SLC30A5: variants seen among roughly 807,000 people sequenced by gnomAD.
SLC30A5 encodes the protein solute carrier family 30 member 5, also known as proton-coupled zinc antiporter SLC30A5.
Under a neutral mutation model 79.6 loss-of-function variants are expected in SLC30A5, and 33 were observed. The ratio of observed to expected loss-of-function variants is 0.41; its 90% CI spans 0.31 to 0.55. SLC30A5 has a LOEUF of 0.55. Ranked by LOEUF, SLC30A5 falls within the 20% of genes least tolerant of loss-of-function variation. The probability of loss-of-function intolerance (pLI) is 0.20; values close to 1 mark genes in which losing one functional copy is unlikely to be tolerated. For missense variants in SLC30A5, 788 were observed against 928.1 expected, an observed-to-expected ratio of 0.85 and a Z score of 1.96; for synonymous variants, 299 against 319.7, an observed-to-expected ratio of 0.94 and a Z score of 0.69.
intron 12 of SLC30A5, among the ~76,000 whole-genome samples, chr5:69,118,948 G>A (rs1723650689): frequency 6.6e-6 from 1 of 151,646 alleles, no homozygotes; most frequent in Non-Finnish European, 1.5e-5. Flanking sequence ...TTACAGGCAT[G>A]TGCCACCACC....
chr5:69,106,985 C>T, intron 4 of SLC30A5, among the ~76,000 whole-genome samples: 1 of 151,980 alleles, frequency 6.6e-6, no homozygotes, highest in Non-Finnish European at 1.5e-5. Flanking sequence ...CCACCTCAGC[C>T]TCACCAGTAG....
chr5:69,095,346 A>G (rs887026650), intron 1 of SLC30A5, among the ~76,000 whole-genome samples: 2 of 151,782 alleles, frequency 1.3e-5, no homozygotes, highest in African/African-American at 4.8e-5. Context: ...GATTATAGAC[A>G]TACTCCACCA....
At chr5:69,121,549 G>T in intron 12 of SLC30A5, 145 bp from the exon 13 acceptor site, 8 of 539,772 alleles carry the variant, frequency 1.5e-5, no homozygotes, top group South Asian at 6.8e-5. Context: ...TTAAAATTTT[G>T]GACTTACTGA....
At chr5:69,104,316 T>C (rs1262708418) in intron 3 of SLC30A5, 3 of 517,968 alleles carry the variant, frequency 5.8e-6, no homozygotes, top group Non-Finnish European at 8.7e-6. Context: ...TTTTGTATTT[T>C]TAGTAGAGAC....
At chr5:69,117,534 G>T in intron 11 of SLC30A5, 138 bp downstream of exon 11, 1 of 742,844 alleles carries the variant, frequency 1.3e-6, no homozygotes, top group Non-Finnish European at 2.1e-6. Context: ...TAAATAAGGG[G>T]ATGTGAATCG....
In SLC30A5 at chr5:69,129,699, A is replaced by G. The variant is rs1452238962; in HGVS notation, c.*82A>G. 7.7e-7 allele frequency: 1 copy of G among 1,291,206 alleles called. No individual in the cohort carries two copies. The highest frequency in any genetic ancestry group is 2.4e-5 in the East Asian group (1 of 42,128). The allele number at this position is 1,291,206 out of a possible 1,614,324, so 80.0% of individuals were successfully genotyped here. The stretch of plus-strand genomic sequence containing the variant: ...TTGTAATATTGCCAGAAGGATAAAA[A>G]TTACACATTAACTGTACAGAAACAG... On this transcript the variant is annotated 3_prime_UTR_variant, in exon 16 of 16. Coordinates refer to ENST00000396591, the MANE Select transcript of SLC30A5 (RefSeq NM_022902.5).
chr5:69,114,302 T>C, intron 6 of SLC30A5, 118 bp from the exon 7 acceptor site: 1 of 520,082 alleles, frequency 1.9e-6, no homozygotes, highest in Non-Finnish European at 3.5e-6. Flanking sequence ...TAATTAAGTT[T>C]GAGGCCTCCA....
In SLC30A5 at chr5:69,130,947, A is replaced by G. The variant is rs756424938; in HGVS notation, c.*1330A>G. 3.3e-5 allele frequency: 5 copies of G among 152,176 alleles called. No homozygotes were observed. The highest frequency in any genetic ancestry group is 5.9e-5 in the Non-Finnish European group (4 of 68,018). The allele number at this position is 152,176 out of a possible 1,614,324, so 9.4% of individuals were successfully genotyped here. On this transcript the variant is annotated 3_prime_UTR_variant, in exon 16 of 16. Coordinates refer to ENST00000396591, the MANE Select transcript of SLC30A5 (RefSeq NM_022902.5). ...GTATTATAAATCATATTTTTGTCTT[A>G]CCAATTTTAATATATGAGGGGTTTT...
At chr5:69,122,896 G>A (rs1448695298) in intron 13 of SLC30A5, among the ~76,000 whole-genome samples, 2 of 152,084 alleles carry the variant, frequency 1.3e-5, no homozygotes, top group African/African-American at 4.8e-5. Context: ...TATTCTGATT[G>A]CTTAATATAA....
intron 1 of SLC30A5, among the ~76,000 whole-genome samples, chr5:69,096,997 C>T (rs1745753450): frequency 6.6e-6 from 1 of 151,142 alleles, no homozygotes; most frequent in Non-Finnish European, 1.5e-5. Flanking sequence ...AAAAAACCCC[C>T]ACAAAAAACC....
rs1177223875 is a variant in SLC30A5, at chr5:69,116,886, A to C, written c.1281+284A>C. 2.0e-5 allele frequency among the ~76,000 whole-genome samples: 3 copies of C among 152,216 alleles called. No individual in the cohort carries two copies. Among genetic ancestry groups the C allele is most frequent in the Admixed American group, 2.0e-4 (3 of 15,274 alleles). On this transcript the variant is annotated intron_variant, in intron 10 of 15. Coordinates refer to ENST00000396591, the MANE Select transcript of SLC30A5 (RefSeq NM_022902.5). This position sits in a 1 kb window ranked among gnomAD's most constrained non-coding sequence, Gnocchi z 4.0. ...CAAATCAGTAAATATAGTAGCATTT[A>C]AAGAGTTCTAATAACTTACAGGATC...
At chr5:69,109,564 A>C (rs1447817781) in intron 5 of SLC30A5, among the ~76,000 whole-genome samples, 1 of 152,134 alleles carries the variant, frequency 6.6e-6, no homozygotes, top group African/African-American at 2.4e-5. Flanking sequence ...TGTTGTACTC[A>C]TGCACCTTTC....
Position 69,102,372 on chromosome 5 carries a change from T to C in SLC30A5, c.207-690T>C, listed in dbSNP as rs115914796. 5.9e-3 allele frequency among the ~76,000 whole-genome samples: 896 copies of C among 152,192 alleles called. 12 individuals carry two copies. The highest frequency in any genetic ancestry group is 0.02 in the African/African-American group (839 of 41,534). On this transcript the variant is annotated intron_variant, in intron 2 of 15. Transcript: ENST00000396591. ...CCTGGCCAAGTTGTGTGCATTTTTATATAACTATTTTGGCAATGTGAAAGG... is the reference window on the plus strand; with the variant it reads ...CCTGGCCAAGTTGTGTGCATTTTTACATAACTATTTTGGCAATGTGAAAGG...
At chr5:69,108,495 CA>C in intron 5 of SLC30A5, 59 bp downstream of exon 5, 1 of 1,215,902 alleles carries the variant, frequency 8.2e-7, no homozygotes. Context: ...ACATATTATC[CA>C]AAGGAATAAA....
intron 11 of SLC30A5, 106 bp from the exon 12 acceptor site, chr5:69,118,393 A>T: frequency 1.4e-6 from 1 of 707,362 alleles, no homozygotes; most frequent in Non-Finnish European, 2.1e-6. Flanking sequence ...TTCTATTATT[A>T]ATTACTTAGT....
At position 69,123,388 on chromosome 5, in the gene SLC30A5, C is replaced by G; in HGVS notation, c.1961C>G (p.Pro654Arg). 6.2e-7 allele frequency: 1 copy of G among 1,613,822 alleles called. No individual in the cohort carries two copies. The highest frequency in any genetic ancestry group is 1.1e-5 in the South Asian group (1 of 91,074). ...CAGGTTCTACTCCTGAGATTGCCAC[C>G]AGAATATGAAAAAGAACTACATATT... ...ACQVLLLRLP[P>R]EYEKELHIAL... Residue 654 changes from proline to arginine, a missense_variant, in exon 14 of 16, where the codon CCA (proline) becomes CGA (arginine). Pro to Arg is a moderately radical substitution (Grantham distance 103). Coordinates refer to ENST00000396591, the MANE Select transcript of SLC30A5 (RefSeq NM_022902.5).
At chr5:69,110,466 G>T (rs1239904793) in intron 5 of SLC30A5, among the ~76,000 whole-genome samples, 2 of 152,192 alleles carry the variant, frequency 1.3e-5, no homozygotes, top group Non-Finnish European at 2.9e-5. Flanking sequence ...TCTGCCTGTA[G>T]ATTTCAAACT....
At position 69,115,974 on chromosome 5, in the gene SLC30A5, A is replaced by G; in HGVS notation, c.832A>G (p.Ile278Val). 6.2e-7 allele frequency: 1 copy of G among 1,613,896 alleles called. No individual in the cohort carries two copies. The highest frequency in any genetic ancestry group is 1.3e-5 in the African/African-American group (1 of 74,978). The change falls in exon 9 of 16, where the codon ATC (isoleucine) becomes GTC (valine). Residue 278 changes from isoleucine (I) to valine (V), a missense_variant. By Grantham distance (29) the Ile-to-Val change is conservative (BLOSUM62 3). This residue lies in a region of SLC30A5 where 626 missense variants were observed against 755.5 expected (regional missense o/e 0.83). Coordinates refer to ENST00000396591, the MANE Select transcript of SLC30A5 (RefSeq NM_022902.5). ...FSLIMPFATV[I>V]FFVMILDFYV... ...TCTCATTATGCCTTTTGCAACGGTTATCTTTTTTGTCATGATCCTGGATTT... is the reference window on the plus strand; with the variant it reads ...TCTCATTATGCCTTTTGCAACGGTTGTCTTTTTTGTCATGATCCTGGATTT...
intron 1 of SLC30A5, among the ~76,000 whole-genome samples, chr5:69,098,376 ATTAG>A (rs1745808025): frequency 1.3e-5 from 2 of 152,110 alleles, no homozygotes; most frequent in Non-Finnish European, 2.9e-5. Context: ...AAATACAAAA[ATTAG>A]CCTGACATGG....
Sources: allele counts gnomAD v4.1 joint callset (sites outside exome capture counted in the v4.1 genomes callset), GRCh38; gene constraint gnomAD v4.1.1; regional missense constraint gnomAD v4.1.1; non-coding constraint Gnocchi (gnomAD v3.1); transcripts MANE v1.5; gene names NCBI Gene and HGNC (gene_info 2026-07-23, HGNC 2026-07-21).